The following PEX5L variants were observed in gnomAD, a reference collection of about 807,000 sequenced individuals.
PEX5L encodes the protein PEX5-related protein.
A neutral mutation model predicts 84.0 loss-of-function variants in PEX5L; 30 were observed. That is an observed-to-expected ratio of 0.36 (90% CI 0.27 to 0.48). The LOEUF (loss-of-function observed/expected upper bound fraction) is 0.48, where lower values mean the gene tolerates loss of function less well. PEX5L is among the 20% of genes least tolerant of loss of function. The pLI is 0.99. For synonymous variants in PEX5L, 270 were observed against 283.1 expected, an observed-to-expected ratio of 0.95 and a Z score of 0.46; for missense variants, 533 against 754.6, an observed-to-expected ratio of 0.71 and a Z score of 3.44.
chr3:179,862,404 A>G (rs866160173), intron 7 of PEX5L, among the ~76,000 whole-genome samples: 5 of 152,204 alleles, frequency 3.3e-5, no homozygotes, highest in African/African-American at 7.2e-5. Context: ...ACAGTTCACA[A>G]CCTTTTAGGA....
intron 10 of PEX5L, among the ~76,000 whole-genome samples, chr3:179,815,379 G>A (rs575177926): frequency 4.3e-4 from 65 of 152,372 alleles, no homozygotes; most frequent in African/African-American, 1.5e-3. Context: ...GAGGTCAGGA[G>A]TTCGAGACCA....
At chr3:179,924,572 A>AAAGGC (rs1417167987) in intron 2 of PEX5L, among the ~76,000 whole-genome samples, 1 of 152,176 alleles carries the variant, frequency 6.6e-6, no homozygotes, top group Admixed American at 6.5e-5. Flanking sequence ...CATGACCTAG[A>AAAGGC]AAGGCAAAGG....
chr3:180,007,957 C>T (rs1185889475), intron 1 of PEX5L, among the ~76,000 whole-genome samples: 2 of 152,220 alleles, frequency 1.3e-5, no homozygotes. Context: ...ACTTTTTCCT[C>T]ATGGTCTTGG....
At chr3:179,986,648 C>A (rs1319606428) in intron 1 of PEX5L, among the ~76,000 whole-genome samples, 1 of 152,000 alleles carries the variant, frequency 6.6e-6, no homozygotes, top group Non-Finnish European at 1.5e-5. Context: ...GTGATCCGCC[C>A]GTCTTGGCCT....
intron 1 of PEX5L, among the ~76,000 whole-genome samples, chr3:179,976,591 C>G (rs375282878): frequency 1.3e-5 from 2 of 152,140 alleles, no homozygotes; most frequent in East Asian, 3.9e-4. Context: ...GCACGTGCCA[C>G]CACAGCTGGC....
chr3:179,887,565 G>T, intron 4 of PEX5L, 108 bp downstream of exon 4: 2 of 740,272 alleles, frequency 2.7e-6, no homozygotes, highest in Non-Finnish European at 4.7e-6. Context: ...AGTTTCATTT[G>T]GTTGCAAACG....
chr3:179,830,978 C>T (rs1012779779), intron 8 of PEX5L, among the ~76,000 whole-genome samples: 1 of 152,074 alleles, frequency 6.6e-6, no homozygotes, highest in Non-Finnish European at 1.5e-5. Context: ...CATCTCGGGG[C>T]TATTATGTAA....
In PEX5L at chr3:179,796,876, C is replaced by T. The variant is rs992285827; in HGVS notation, c.*4952G>A. 1.3e-5 allele frequency: 2 copies of T among 152,146 alleles called. No homozygotes were observed. The highest frequency in any genetic ancestry group is 4.8e-5 in the African/African-American group (2 of 41,428). The allele number at this position is 152,146 out of a possible 1,614,324, so 9.4% of individuals were successfully genotyped here. Reference sequence around the variant, plus strand: ...CCAAGCAGCTCAACTACCATACAAACAGGGCTGTATCAGAACAATGTTGTG... The same window carrying T: ...CCAAGCAGCTCAACTACCATACAAATAGGGCTGTATCAGAACAATGTTGTG... On this transcript the variant is annotated 3_prime_UTR_variant, in exon 15 of 15. Transcript: ENST00000467460.
chr3:179,969,111 G>C (rs1281277359), intron 2 of PEX5L, among the ~76,000 whole-genome samples: 5 of 152,048 alleles, frequency 3.3e-5, no homozygotes, highest in African/African-American at 1.2e-4. Context: ...AGCATTTGTA[G>C]AGTGACAGCT....
In PEX5L at chr3:179,828,633, C is replaced by T. The variant is rs186711810; in HGVS notation, c.823-8657G>A. Among the ~76,000 whole-genome samples, 7 of 151,914 alleles carry T rather than the reference C, an allele frequency of 4.6e-5. No homozygotes were observed. The East Asian group carries it at 1.4e-3, about 29-fold the overall frequency. On this transcript the variant is annotated intron_variant, in intron 8 of 14. Transcript: ENST00000467460. ...GAGAGGGGTATGTGAGCAGCAGTCTCCTAAATGTATTTTACCTTTAACTAT... is the reference window on the plus strand; with the variant it reads ...GAGAGGGGTATGTGAGCAGCAGTCTTCTAAATGTATTTTACCTTTAACTAT...
intron 14 of PEX5L, chr3:179,804,077 T>C (rs761140464): frequency 2.0e-5 from 3 of 152,172 alleles, no homozygotes; most frequent in Non-Finnish European, 4.4e-5. Context: ...AAGCCTCTCA[T>C]TCACTGGGTG....
At chr3:179,938,953 G>T (rs955897425) in intron 2 of PEX5L, among the ~76,000 whole-genome samples, 2 of 152,312 alleles carry the variant, frequency 1.3e-5, no homozygotes, top group African/African-American at 2.4e-5. Context: ...GGCAGCAATT[G>T]TCAGAAGTAT....
At chr3:179,931,246 C>T (rs1185030820) in intron 2 of PEX5L, among the ~76,000 whole-genome samples, 1 of 152,202 alleles carries the variant, frequency 6.6e-6, no homozygotes, top group African/African-American at 2.4e-5. Flanking sequence ...CTGTCAATAA[C>T]GGACCTGGCA....
At chr3:179,808,133 A>G (rs954369501) in intron 13 of PEX5L, 139 bp downstream of exon 13, 13 of 650,434 alleles carry the variant, frequency 2.0e-5, no homozygotes, top group African/African-American at 3.6e-5. Context: ...CCACAGTAGC[A>G]CATTATTATT....
At chr3:179,954,385 T>A (rs916823537) in intron 2 of PEX5L, among the ~76,000 whole-genome samples, 1 of 24,122 alleles carries the variant, frequency 4.1e-5, no homozygotes, top group African/African-American at 1.9e-4. Flanking sequence ...GTCTTTATTT[T>A]CATGTGTTCT....
chr3:180,024,379 C>CAAAA lies in PEX5L; in HGVS notation c.21+12199_21+12200insTTTT, dbSNP rs1452445435. Among the ~76,000 whole-genome samples, 8 of 101,606 alleles carry CAAAA rather than the reference C, an allele frequency of 7.9e-5. 1 individual carries two copies. Among genetic ancestry groups the CAAAA allele is most frequent in the African/African-American group, 2.7e-4 (6 of 22,126 alleles). 66.7% of individuals were successfully genotyped at this position (101,606 alleles called of 152,430 possible). Reference sequence around the variant, plus strand: ...ATATATATATATATATATATACACACACAAAAAAAAAAAAAATTAGCCGTG... The same window carrying CAAAA: ...ATATATATATATATATATATACACACAAAAACAAAAAAAAAAAAAATTAGCCGTG... On this transcript the variant is annotated intron_variant, in intron 1 of 14. Coordinates refer to ENST00000467460, the MANE Select transcript of PEX5L (RefSeq NM_016559.3).
chr3:179,933,087 A>T (rs1773559171), intron 2 of PEX5L, among the ~76,000 whole-genome samples: 1 of 152,200 alleles, frequency 6.6e-6, no homozygotes, highest in Non-Finnish European at 1.5e-5. Flanking sequence ...TTTAGATTCC[A>T]CATATAAGTG....
chr3:179,963,459 C>A (rs1395716121), intron 2 of PEX5L, among the ~76,000 whole-genome samples: 1 of 152,040 alleles, frequency 6.6e-6, no homozygotes, highest in East Asian at 1.9e-4. Context: ...TTAATTTAAT[C>A]AGATCAACAA....
intron 8 of PEX5L, among the ~76,000 whole-genome samples, chr3:179,850,796 G>A (rs1045258448): frequency 3.3e-5 from 5 of 152,156 alleles, no homozygotes; most frequent in African/African-American, 7.2e-5. Flanking sequence ...ATGGTTTAAG[G>A]AATGTTTAAT....
Sources: gnomAD v4.1 joint callset for allele counts (sites outside exome capture counted in the v4.1 genomes callset) on GRCh38, gnomAD v4.1.1 for gene constraint, MANE v1.5 for transcripts, NCBI Gene and HGNC (gene_info 2026-07-23, HGNC 2026-07-21) for gene names.